The following CADPS variants were observed in gnomAD, a reference collection of about 807,000 sequenced individuals.
CADPS encodes the protein calcium-dependent secretion activator 1.
CADPS carries 57 observed loss-of-function variants against 167.3 expected under a neutral mutation model. The ratio of observed to expected loss-of-function variants is 0.34; its 90% CI spans 0.28 to 0.42. The LOEUF (loss-of-function observed/expected upper bound fraction) is 0.42, where lower values mean the gene tolerates loss of function less well. Among genes scored for constraint, CADPS ranks in the 20% least tolerant of loss-of-function variants. The probability of loss-of-function intolerance (pLI) is 1.00; values close to 1 mark genes in which losing one functional copy is unlikely to be tolerated. For synonymous variants in CADPS, 676 were observed against 635.3 expected (o/e 1.06, Z -0.96); for missense variants, 1,414 against 1,738.1 (o/e 0.81, Z 3.32).
At position 62,445,721 on chromosome 3, in the gene CADPS, AAAAAAC is replaced by A. The variant is rs768180616; in HGVS notation, c.3669+38_3669+43del. 5.2e-5 allele frequency: 72 copies of A among 1,397,612 alleles called. 3 individuals carry two copies. Among genetic ancestry groups the A allele is most frequent in the South Asian group, 1.9e-4 (14 of 73,228 alleles). The allele number at this position is 1,397,612 out of a possible 1,614,324, so 86.6% of individuals were successfully genotyped here. On this transcript the variant is annotated intron_variant, in intron 27 of 29. Transcript: ENST00000383710. ...AACAAAAAGTAAAAATGAAAAAAAA[AAAAAAC>A]AAAAAAACCCCATGAGAAACAATTT...
At chr3:62,647,763 T>C (rs1257277901) in intron 5 of CADPS, among the ~76,000 whole-genome samples, 9 of 152,196 alleles carry the variant, frequency 5.9e-5, no homozygotes, top group Non-Finnish European at 1.0e-4. Flanking sequence ...ACATCCTGAT[T>C]ATGCATTTTC....
chr3:62,753,585 T>G lies in CADPS; in HGVS notation c.744A>C (p.Glu248Asp). The G allele has an allele frequency of 9.9e-6, 16 of 1,614,150 alleles. No homozygotes were observed. Among genetic ancestry groups the G allele is most frequent in the African/African-American group, 1.3e-5 (1 of 75,040 alleles). The change falls in exon 3 of 30, where the codon GAA becomes GAC. Residue 248 changes from glutamate (E) to aspartate (D), a missense_variant. Physicochemically the swap from Glu to Asp is conservative, Grantham distance 45. Around this residue, in one of 6 missense-constraint regions of CADPS, gnomAD observed 522 missense variants for 559.5 expected, o/e 0.93. Transcript: ENST00000383710. This position sits in a 1 kb window ranked among gnomAD's most constrained non-coding sequence, Gnocchi z 4.6. ...MAKFDAIYRGEEDPRKQQARM... is the reference protein window; with the variant it reads ...MAKFDAIYRGDEDPRKQQARM... Reference sequence around the variant, plus strand: ...GGGCCTGCTGCTTCCGCGGGTCCTCTTCTCCACGGTAGATGGCATCAAATT... The same window carrying G: ...GGGCCTGCTGCTTCCGCGGGTCCTCGTCTCCACGGTAGATGGCATCAAATT...
intron 1 of CADPS, among the ~76,000 whole-genome samples, chr3:62,827,078 A>G (rs1429453804): frequency 2.6e-5 from 4 of 152,184 alleles, no homozygotes; most frequent in Admixed American, 2.0e-4. Context: ...ATCCCAGTAG[A>G]TAATTTGATT....
At position 62,601,401 on chromosome 3, in the gene CADPS, T is replaced by C. The variant is rs2059946936; in HGVS notation, c.1326-8653A>G. On this transcript the variant is annotated intron_variant, in intron 6 of 29. Transcript: ENST00000383710. The surrounding 1 kb of genome is among the most constrained non-coding windows in gnomAD (Gnocchi z 4.3). ...ACTTTCTGGTCCTTTATAGAAAAAG[T>C]TTGCCGATCTCTGTTACAAACAGTT... Among the ~76,000 whole-genome samples the C allele has an allele frequency of 6.6e-6, 1 of 152,184 alleles. No homozygotes were observed. Among genetic ancestry groups the C allele is most frequent in the Admixed American group, 6.5e-5 (1 of 15,268 alleles).
chr3:62,480,878 G>T (rs1180489290), intron 22 of CADPS, among the ~76,000 whole-genome samples: 2 of 152,218 alleles, frequency 1.3e-5, no homozygotes, highest in Admixed American at 6.5e-5. Context: ...CGATCTTCTT[G>T]CTAACTAAAA....
chr3:62,415,431 C>T (rs1220113676), intron 28 of CADPS, among the ~76,000 whole-genome samples: 2 of 152,068 alleles, frequency 1.3e-5, no homozygotes, highest in Admixed American at 6.5e-5. Context: ...AGCCACAGCT[C>T]GCCCCAGGGG....
At chr3:62,452,902 C>T (rs1156648860) in intron 26 of CADPS, among the ~76,000 whole-genome samples, 1 of 152,096 alleles carries the variant, frequency 6.6e-6, no homozygotes. Context: ...TTGCTTGAAA[C>T]CAGGAGTTCA....
chr3:62,633,506 C>T (rs1039015517), intron 6 of CADPS, among the ~76,000 whole-genome samples: 7 of 152,122 alleles, frequency 4.6e-5, no homozygotes, highest in African/African-American at 1.7e-4. Context: ...TCCCTGTGCT[C>T]CACCCTCAGG....
intron 28 of CADPS, 134 bp from the exon 29 acceptor site, chr3:62,403,319 T>C (rs1208145455): frequency 1.6e-6 from 1 of 629,088 alleles, no homozygotes; most frequent in Non-Finnish European, 2.8e-6. Context: ...TTTGAGAGCA[T>C]AGAGTTTAAT....
chr3:62,422,042 C>T (rs1037126614), intron 28 of CADPS, among the ~76,000 whole-genome samples: 4 of 152,170 alleles, frequency 2.6e-5, no homozygotes, highest in African/African-American at 9.7e-5. Context: ...TGCATCTTGT[C>T]GTTAGCGAGT....
chr3:62,641,902 T>C (rs569822344), intron 6 of CADPS, among the ~76,000 whole-genome samples: 42 of 152,218 alleles, frequency 2.8e-4, no homozygotes, highest in Non-Finnish European at 7.4e-5. Context: ...AGTATTAATA[T>C]ATTTAACTAA....
chr3:62,771,557 A>G (rs2088761926), intron 1 of CADPS, among the ~76,000 whole-genome samples: 1 of 152,194 alleles, frequency 6.6e-6, no homozygotes, highest in South Asian at 2.1e-4. Flanking sequence ...GTACAACTCT[A>G]AACAAACAAA....
intron 6 of CADPS, among the ~76,000 whole-genome samples, chr3:62,619,106 T>C (rs928628216): frequency 9.2e-5 from 14 of 152,222 alleles, no homozygotes; most frequent in Non-Finnish European, 1.9e-4. Context: ...AATTTCATAC[T>C]ACACTGGTAG....
At chr3:62,512,802 G>A (rs1382908651) in intron 16 of CADPS, 34 bp from the exon 17 acceptor site, 1 of 1,593,320 alleles carries the variant, frequency 6.3e-7, no homozygotes, top group Non-Finnish European at 8.6e-7. Flanking sequence ...AAGGAGAGAA[G>A]AGAGAGAAAC....
chr3:62,611,717 G>A (rs1314178867), intron 6 of CADPS, among the ~76,000 whole-genome samples: 1 of 152,098 alleles, frequency 6.6e-6, no homozygotes, highest in Non-Finnish European at 1.5e-5. Context: ...TTCCATTCAG[G>A]ATCTTCATAC....
intron 28 of CADPS, among the ~76,000 whole-genome samples, chr3:62,425,865 T>C (rs1025686708): frequency 1.3e-5 from 2 of 152,216 alleles, no homozygotes; most frequent in African/African-American, 2.4e-5. Flanking sequence ...CATAGACTCC[T>C]GCCTCTTTCG....
chr3:62,549,750 T>C (rs2077034842), intron 11 of CADPS, among the ~76,000 whole-genome samples, 153 bp downstream of exon 11: 1 of 152,172 alleles, frequency 6.6e-6, no homozygotes, highest in Admixed American at 6.5e-5. Context: ...CATCTAACAT[T>C]TGCCCCAACT....
intron 24 of CADPS, among the ~76,000 whole-genome samples, chr3:62,470,247 C>T (rs2060427982): frequency 2.0e-5 from 3 of 152,184 alleles, no homozygotes; most frequent in Admixed American, 1.3e-4. Flanking sequence ...ATGGAGATTT[C>T]ATCACCTGGC....
intron 3 of CADPS, among the ~76,000 whole-genome samples, chr3:62,681,094 G>T (rs1221197320): frequency 6.6e-6 from 1 of 151,918 alleles, no homozygotes; most frequent in Non-Finnish European, 1.5e-5. Flanking sequence ...AGTTTTCTTG[G>T]CTGGGAACAC....
Sources: allele counts gnomAD v4.1 joint callset (sites outside exome capture counted in the v4.1 genomes callset), GRCh38; gene constraint gnomAD v4.1.1; regional missense constraint gnomAD v4.1.1; non-coding constraint Gnocchi (gnomAD v3.1); transcripts MANE v1.5; gene names NCBI Gene and HGNC (gene_info 2026-07-23, HGNC 2026-07-21).